MADD: variants seen among roughly 807,000 people sequenced by gnomAD.
The protein encoded by MADD is MAP kinase activating death domain, also known as MAP kinase-activating death domain protein.
Under a neutral mutation model 176.7 loss-of-function variants are expected in MADD, and 109 were observed. The observed-to-expected ratio is 0.62, with a 90% CI of 0.53 to 0.72. MADD has a LOEUF of 0.72. MADD is among the 30% of genes least tolerant of loss of function. The pLI is 0.00. For synonymous variants in MADD, 771 were observed against 771.3 expected (o/e 1.00, Z 0.01); for missense variants, 1,914 against 2,045.5 (o/e 0.94, Z 1.24).
intron 4 of MADD, 127 bp from the exon 5 acceptor site, chr11:47,276,605 A>G: frequency 1.8e-6 from 2 of 1,103,836 alleles, no homozygotes; most frequent in Non-Finnish European, 2.6e-6. Context: ...GGCAGGGGGC[A>G]GTGGGAGAGA....
chr11:47,313,933 T>C (rs1022285756), intron 26 of MADD, among the ~76,000 whole-genome samples: 1 of 152,016 alleles, frequency 6.6e-6, no homozygotes, highest in Non-Finnish European at 1.5e-5. Context: ...CTAATTTTTA[T>C]GTTTTTAGTA....
At chr11:47,301,448 C>G (rs2077711751) in intron 22 of MADD, among the ~76,000 whole-genome samples, 1 of 152,078 alleles carries the variant, frequency 6.6e-6, no homozygotes, top group Non-Finnish European at 1.5e-5. Flanking sequence ...TTTATTTCTG[C>G]TCTGATCTTG....
intron 15 of MADD, among the ~76,000 whole-genome samples, chr11:47,287,501 C>T (rs1461132458): frequency 6.6e-6 from 1 of 152,054 alleles, no homozygotes; most frequent in Admixed American, 6.6e-5. Flanking sequence ...CTGCCGCCAT[C>T]CAGGCTCAAG....
intron 22 of MADD, among the ~76,000 whole-genome samples, chr11:47,299,584 G>GTTTTTTTTTTTTTTTTTTTTTT (rs1565442765): frequency 3.1e-5 from 2 of 65,234 alleles, no homozygotes. Context: ...AGATTTTAGG[G>GTTTTTTTTTTTTTTTTTTTTTT]CTTTTTTTTT....
intron 27 of MADD, among the ~76,000 whole-genome samples, chr11:47,322,484 T>C (rs545334584): frequency 6.6e-6 from 1 of 152,104 alleles, no homozygotes; most frequent in African/African-American, 2.4e-5. Flanking sequence ...TGGTGGTGGG[T>C]GCCTGTAGTC....
chr11:47,327,750 A>C (rs2095613456), intron 31 of MADD: 1 of 985,380 alleles, frequency 1.0e-6, no homozygotes, highest in African/African-American at 1.7e-5. Flanking sequence ...GTTCCCCCAA[A>C]TTCTACCTCC....
intron 31 of MADD, chr11:47,328,057 C>G (rs1242684094): frequency 3.0e-6 from 3 of 992,604 alleles, no homozygotes; most frequent in Non-Finnish European, 2.4e-6. Flanking sequence ...CTCAGACGCT[C>G]TCCCTCACAC....
In MADD at chr11:47,324,860, G is replaced by A. The variant is rs2095227579; in HGVS notation, c.4542+283G>A. On this transcript the variant is annotated intron_variant, in intron 30 of 32. Transcript: ENST00000402192. The stretch of plus-strand genomic sequence containing the variant: ...ATCCGTTGGACTCCACACAGTGTGA[G>A]TGGGAGCGTCTCACTTGGCCCTTCC... 6.5e-6 allele frequency: 4 copies of A among 616,056 alleles called. No individual in the cohort carries two copies. In the South Asian group the frequency reaches 7.7e-5, roughly 12 times the overall value. 38.2% of individuals were successfully genotyped at this position (616,056 alleles called of 1,614,324 possible).
chr11:47,295,819 G>T, intron 21 of MADD, 78 bp from the exon 24 acceptor site: 1 of 1,543,862 alleles, frequency 6.5e-7, no homozygotes, highest in Non-Finnish European at 8.7e-7. Flanking sequence ...TTTTTATGGT[G>T]GCAGGGAGCT....
chr11:47,297,183 T>C (rs552255114), intron 22 of MADD, among the ~76,000 whole-genome samples: 26 of 152,212 alleles, frequency 1.7e-4, no homozygotes, highest in Non-Finnish European at 3.2e-4. Flanking sequence ...TAGGTCCTTA[T>C]CTTTAAGGCC....
chr11:47,283,816 G>A (rs916402587), intron 10 of MADD, among the ~76,000 whole-genome samples: 13 of 151,800 alleles, frequency 8.6e-5, no homozygotes, highest in Admixed American at 2.0e-4. Flanking sequence ...CAAGCAATTC[G>A]CCTGCCTCGG....
At chr11:47,294,134 GA>G in intron 20 of MADD, 151 bp downstream of exon 22, 1 of 599,884 alleles carries the variant, frequency 1.7e-6, no homozygotes, top group South Asian at 1.9e-5. Flanking sequence ...TGGGTCACCT[GA>G]GGTCGGGAGT....
At position 47,282,488 on chromosome 11, in the gene MADD, G is replaced by C. The variant is rs758381225; in HGVS notation, c.1577G>C (p.Gly526Ala). The change falls in exon 9 of 33, where the codon GGC becomes GCC. Residue 526 changes from glycine to alanine, a missense_variant. Transcript: ENST00000402192. ...CGGCCTGTGGTAGCTTTTCAAGCTGGCTCCTTTCTAGCCTCACGTCCCCGG... is the reference window on the plus strand; with the variant it reads ...CGGCCTGTGGTAGCTTTTCAAGCTGCCTCCTTTCTAGCCTCACGTCCCCGG... 9 of 1,614,202 alleles carry C rather than the reference G, an allele frequency of 5.6e-6. No individual in the cohort carries two copies. In the East Asian group the frequency reaches 1.6e-4, roughly 28 times the overall value.
chr11:47,278,539 TCAGA>T (rs2052826002), intron 6 of MADD, among the ~76,000 whole-genome samples: 1 of 152,178 alleles, frequency 6.6e-6, no homozygotes, highest in African/African-American at 2.4e-5. Flanking sequence ...CCAAGAGCAG[TCAGA>T]CAGTTGTGAT....
intron 31 of MADD, chr11:47,327,662 G>C: frequency 3.0e-6 from 3 of 985,372 alleles, no homozygotes; most frequent in South Asian, 9.4e-5. Flanking sequence ...GAGATACTTG[G>C]GGGAATCTTC....
chr11:47,274,499 T>C, intron 2 of MADD, 64 bp from the exon 3 acceptor site: 11 of 1,273,084 alleles, frequency 8.6e-6, no homozygotes, highest in Non-Finnish European at 1.2e-5. Context: ...TTGTTGACTG[T>C]GGTTAAAATT....
intron 15 of MADD, 127 bp from the exon 17 acceptor site, chr11:47,289,264 G>A: frequency 1.2e-6 from 1 of 848,750 alleles, no homozygotes; most frequent in Non-Finnish European, 1.9e-6. Context: ...TACGTATGAT[G>A]CCTTGGTGCT....
chr11:47,290,011 G>A, exon 17 of MADD: 2 of 1,614,226 alleles, frequency 1.2e-6, no homozygotes, highest in Non-Finnish European at 1.7e-6. Context: ...ACCGCATGGT[G>A]CAGTCAGAGG....
At chr11:47,323,993 C>T (rs1282254117) in intron 28 of MADD, 158 bp downstream of exon 31, 2 of 773,986 alleles carry the variant, frequency 2.6e-6, no homozygotes, top group Middle Eastern at 3.0e-4. Context: ...GTCAAGCCAA[C>T]TAGGCCTAAT....
Sources: allele counts gnomAD v4.1 joint callset (sites outside exome capture counted in the v4.1 genomes callset), GRCh38; gene constraint gnomAD v4.1.1; transcripts MANE v1.5; gene names NCBI Gene and HGNC (gene_info 2026-07-23, HGNC 2026-07-21).